SLC37A3: variants seen among roughly 807,000 people sequenced by gnomAD.
SLC37A3 encodes the protein solute carrier family 37 member 3, also known as sugar phosphate exchanger 3.
In SLC37A3, 51 loss-of-function variants were observed where a neutral mutation model predicts 67.1. That is an observed-to-expected ratio of 0.76 (90% CI 0.61 to 0.96). The LOEUF (loss-of-function observed/expected upper bound fraction) is 0.96. Among genes scored for constraint, SLC37A3 ranks in the 40% least tolerant of loss-of-function variants. The pLI, the probability that SLC37A3 is intolerant of heterozygous loss-of-function variation, is 0.00. For missense variants in SLC37A3, 508 were observed against 603.0 expected (o/e 0.84, Z 1.65); for synonymous variants, 214 against 231.4 (o/e 0.92, Z 0.68).
At chr7:140,367,657 C>T (rs1797655226) in intron 4 of SLC37A3, among the ~76,000 whole-genome samples, 1 of 152,068 alleles carries the variant, frequency 6.6e-6, no homozygotes, top group Non-Finnish European at 1.5e-5. Flanking sequence ...TCACAGTCCA[C>T]GTTCCAGCTG....
intron 9 of SLC37A3, among the ~76,000 whole-genome samples, chr7:140,349,137 T>A (rs1485108063): frequency 6.6e-6 from 1 of 152,232 alleles, no homozygotes; most frequent in Non-Finnish European, 1.5e-5. Context: ...ATGGTATTCA[T>A]GCCACTAACC....
At chr7:140,346,848 G>A (rs548540366) in intron 10 of SLC37A3, among the ~76,000 whole-genome samples, 22 of 151,444 alleles carry the variant, frequency 1.5e-4, no homozygotes, top group Middle Eastern at 3.5e-3. Context: ...GAACCGTATC[G>A]TGCTGCTTGA....
At chr7:140,385,507 C>T (rs1798414882) in intron 1 of SLC37A3, among the ~76,000 whole-genome samples, 1 of 152,128 alleles carries the variant, frequency 6.6e-6, no homozygotes, top group Admixed American at 6.5e-5. Flanking sequence ...AGTATGTACT[C>T]CAGGAAAGGG....
Position 140,345,247 on chromosome 7 carries a change from CT to C in SLC37A3, c.1142del (p.Lys381SerfsTer7), listed in dbSNP as rs752955749. On this transcript the variant is annotated frameshift_variant, in exon 12 of 15. Transcript: ENST00000326232. LOFTEE classifies it high-confidence loss of function. ...LIGYSRSPND[K>X]SINALLMTVT... is the part of the protein sequence containing the mutation. The stretch of plus-strand genomic sequence containing the variant: ...CAGTCATCAGAAGGGCATTGATGGA[CT>C]TATCATTTGGAGAACCTGTGAGGGA... 9 of 1,614,064 alleles carry C rather than the reference CT, an allele frequency of 5.6e-6. No homozygotes were observed. Among genetic ancestry groups the C allele is most frequent in the Non-Finnish European group, 7.6e-6 (9 of 1,179,970 alleles).
chr7:140,336,663 T>C (rs1796142269), intron 14 of SLC37A3, among the ~76,000 whole-genome samples: 1 of 152,180 alleles, frequency 6.6e-6, no homozygotes, highest in Admixed American at 6.5e-5. Flanking sequence ...ATTCAGCAGA[T>C]AGAGGGTAGC....
chr7:140,343,984 ACT>A, intron 12 of SLC37A3: 1 of 224,386 alleles, frequency 4.5e-6, no homozygotes, highest in Non-Finnish European at 8.8e-6. Context: ...GGAGCAGGTG[ACT>A]CTATCTGCCA....
At chr7:140,396,532 GT>G (rs904942836) in intron 1 of SLC37A3, among the ~76,000 whole-genome samples, 3 of 151,982 alleles carry the variant, frequency 2.0e-5, no homozygotes, top group African/African-American at 7.3e-5. Flanking sequence ...CTTCCTCCCT[GT>G]TTTTGGACAT....
Position 140,381,430 on chromosome 7 carries a change from C to T in SLC37A3, c.89+1008G>A, listed in dbSNP as rs1408336578. Among the ~76,000 whole-genome samples, 11 of 151,664 alleles carry T rather than the reference C, an allele frequency of 7.3e-5. No individual in the cohort carries two copies. In the East Asian group the frequency reaches 1.6e-3, roughly 22 times the overall value. On this transcript the variant is annotated intron_variant, in intron 2 of 14. Coordinates refer to ENST00000326232, the MANE Select transcript of SLC37A3 (RefSeq NM_207113.3). ...GTCCCAGCTACTCAAGAGGCTGAGG[C>T]GGGTAGATCATTTGATCCCGGGAGT...
In SLC37A3 at chr7:140,345,773, G is replaced by C. The variant is rs558984454; in HGVS notation, c.1126+96C>G. The C allele has an allele frequency of 4.2e-6, 4 of 960,900 alleles. No homozygotes were observed. In the East Asian group the frequency reaches 9.6e-5, roughly 23 times the overall value. The allele number at this position is 960,900 out of a possible 1,614,324, so 59.5% of individuals were successfully genotyped here. A position where few individuals can be genotyped will look rare whatever the true frequency, so the allele number is the denominator to read the frequency against. ...TATCGGGCCTTGAAGCTGGTCTCCA[G>C]GCTCTCCCCAGCACTGGTCACTGAC... On this transcript the variant is annotated intron_variant, in intron 11 of 14. Coordinates refer to ENST00000326232, the MANE Select transcript of SLC37A3 (RefSeq NM_207113.3).
At chr7:140,363,762 A>AAAAG (rs57786143) in intron 5 of SLC37A3, among the ~76,000 whole-genome samples, 1 of 116,242 alleles carries the variant, frequency 8.6e-6, no homozygotes. Context: ...AAAAAAAAAA[A>AAAAG]AAAGAAAGGA....
At position 140,335,194 on chromosome 7, in the gene SLC37A3, GA is replaced by G; in HGVS notation, c.*217del. The G allele has an allele frequency of 6.3e-7, 1 of 1,589,286 alleles. No homozygotes were observed. The highest frequency in any genetic ancestry group is 8.6e-7 in the Non-Finnish European group (1 of 1,164,318). On this transcript the variant is annotated 3_prime_UTR_variant, in exon 15 of 15. Coordinates refer to ENST00000326232, the MANE Select transcript of SLC37A3 (RefSeq NM_207113.3). ...GTCAGAAGTCACTCGGCACATTCAT[GA>G]AACAACAGCAAAAATCATCAACAGT...
rs1450997021 is a variant in SLC37A3, at chr7:140,334,903, C to T, written c.*509G>A. 2.1e-5 allele frequency: 6 copies of T among 281,230 alleles called. No homozygotes were observed. Among genetic ancestry groups the T allele is most frequent in the East Asian group, 1.8e-4 (2 of 11,340 alleles). 17.4% of individuals were successfully genotyped at this position (281,230 alleles called of 1,614,324 possible). On this transcript the variant is annotated 3_prime_UTR_variant, in exon 15 of 15. Coordinates refer to ENST00000326232, the MANE Select transcript of SLC37A3 (RefSeq NM_207113.3). ...CTTTGTCCAAGGCAGGCTTGCAGCT[C>T]GGTCCAGCTTGAGCATTTGATCAGG...
At chr7:140,378,966 GA>G (rs1798140153) in intron 3 of SLC37A3, among the ~76,000 whole-genome samples, 1 of 152,050 alleles carries the variant, frequency 6.6e-6, no homozygotes, top group Non-Finnish European at 1.5e-5. Context: ...AGAATCGCTT[GA>G]TCCCAGGAGG....
At chr7:140,336,969 G>A (rs1796158064) in intron 14 of SLC37A3, among the ~76,000 whole-genome samples, 1 of 151,678 alleles carries the variant, frequency 6.6e-6, no homozygotes. Flanking sequence ...TGTGGTGGCA[G>A]GCGCCTGTAA....
At chr7:140,343,850 A>C in intron 12 of SLC37A3, 1 of 339,944 alleles carries the variant, frequency 2.9e-6, no homozygotes, top group Non-Finnish European at 5.4e-6. Context: ...ATTCATTAAT[A>C]ACTAATTGCA....
At chr7:140,377,439 T>G (rs1458776279) in intron 3 of SLC37A3, among the ~76,000 whole-genome samples, 1 of 152,218 alleles carries the variant, frequency 6.6e-6, no homozygotes. Context: ...ATGTAAGAAC[T>G]GTACAAATTT....
intron 5 of SLC37A3, among the ~76,000 whole-genome samples, chr7:140,361,504 C>T (rs71552606): frequency 0.71 from 52,163 of 73,078 alleles, 18,872 homozygotes; most frequent in East Asian, 0.78. Flanking sequence ...CCTCCCCCTC[C>T]CCCTCCCCCT....
At chr7:140,379,663 C>T (rs576811544) in intron 3 of SLC37A3, among the ~76,000 whole-genome samples, 2 of 150,650 alleles carry the variant, frequency 1.3e-5, no homozygotes, top group Non-Finnish European at 3.0e-5. Context: ...GAGGCCAAGG[C>T]GGGTGGATTG....
intron 8 of SLC37A3, chr7:140,351,828 G>C: frequency 1.6e-6 from 1 of 619,254 alleles, no homozygotes. Context: ...TTGCAAATGC[G>C]AAGATTTTCC....
Sources: gnomAD v4.1 joint callset for allele counts (sites outside exome capture counted in the v4.1 genomes callset) on GRCh38, gnomAD v4.1.1 for gene constraint, MANE v1.5 for transcripts, NCBI Gene and HGNC (gene_info 2026-07-23, HGNC 2026-07-21) for gene names.